The following PHF14 variants were observed in gnomAD, a reference collection of about 807,000 sequenced individuals.
PHF14 encodes the protein PHD finger protein 14.
PHF14 carries 55 observed loss-of-function variants against 117.9 expected under a neutral mutation model. The ratio of observed to expected loss-of-function variants is 0.47; its 90% confidence interval spans 0.38 to 0.58. The LOEUF is 0.58. Ranked by LOEUF, PHF14 falls within the 20% of genes least tolerant of loss-of-function variation. The pLI is 0.00. For missense variants in PHF14, 978 were observed against 1,122.2 expected, an observed-to-expected ratio of 0.87 and a Z score of 1.84; for synonymous variants, 409 against 368.6, an observed-to-expected ratio of 1.11 and a Z score of -1.26.
intron 16 of PHF14, among the ~76,000 whole-genome samples, chr7:11,085,751 G>A (rs182812370): frequency 6.6e-6 from 1 of 152,014 alleles, no homozygotes; most frequent in East Asian, 1.9e-4. Context: ...AAGAGACAGG[G>A]TCTCACTATA....
intron 4 of PHF14, among the ~76,000 whole-genome samples, chr7:11,010,660 A>G (rs1783321917): frequency 6.6e-6 from 1 of 152,190 alleles, no homozygotes; most frequent in South Asian, 2.1e-4. Context: ...ACACACATGC[A>G]TAATCTGAAA....
At chr7:11,086,295 C>CA (rs1786407249) in intron 16 of PHF14, among the ~76,000 whole-genome samples, 1 of 152,210 alleles carries the variant, frequency 6.6e-6, no homozygotes, top group Non-Finnish European at 1.5e-5. Flanking sequence ...AACCCAGCCT[C>CA]AGTCTGTCTT....
chr7:11,045,952 A>G (rs1322976438), intron 13 of PHF14, among the ~76,000 whole-genome samples: 1 of 152,176 alleles, frequency 6.6e-6, no homozygotes, highest in Non-Finnish European at 1.5e-5. Flanking sequence ...TTTTTCTTGA[A>G]TTATGCTCTG....
At chr7:11,061,767 G>GTTTTTTTTTTTT in intron 14 of PHF14, 24 bp from the exon 15 acceptor site, 1 of 1,157,334 alleles carries the variant, frequency 8.6e-7, no homozygotes, top group Admixed American at 3.2e-5. Context: ...TTTGTTTTTT[G>GTTTTTTTTTTTT]TTTTTTTTTT....
chr7:11,077,330 A>G (rs1202826020), intron 16 of PHF14, among the ~76,000 whole-genome samples: 3 of 151,744 alleles, frequency 2.0e-5, no homozygotes, highest in East Asian at 3.9e-4. Context: ...AGCCGGGCGC[A>G]GTGGGGCTCA....
chr7:11,035,164 A>G (rs1389662764), intron 7 of PHF14, among the ~76,000 whole-genome samples: 1 of 152,114 alleles, frequency 6.6e-6, no homozygotes. Flanking sequence ...ATACAGTGTA[A>G]CAACTATTTG....
chr7:11,038,910 C>T (rs1784408197), intron 11 of PHF14, 55 bp downstream of exon 11: 2 of 781,500 alleles, frequency 2.6e-6, no homozygotes, highest in African/African-American at 1.8e-5. Context: ...ATATGATTTT[C>T]AAAGAACAGA....
chr7:11,016,345 AAAAG>A (rs1783533968), intron 5 of PHF14, among the ~76,000 whole-genome samples: 1 of 152,164 alleles, frequency 6.6e-6, no homozygotes, highest in Admixed American at 6.5e-5. Context: ...AAAACAGGGA[AAAAG>A]AAAGAATATT....
At chr7:11,158,996 A>G (rs1385773611) in intron 17 of PHF14, among the ~76,000 whole-genome samples, 1 of 152,122 alleles carries the variant, frequency 6.6e-6, no homozygotes, top group Non-Finnish European at 1.5e-5. Flanking sequence ...TAAACTATTT[A>G]CAGTTTATCT....
chr7:11,017,098 T>C (rs965877416), intron 5 of PHF14, among the ~76,000 whole-genome samples: 12 of 152,202 alleles, frequency 7.9e-5, no homozygotes, highest in Non-Finnish European at 1.5e-5. Flanking sequence ...TTTTTATGGC[T>C]TAGTACTCCA....
chr7:11,037,095 A>G lies in PHF14; in HGVS notation c.1980+4A>G. The stretch of plus-strand genomic sequence containing the variant: ...GCTTCATGTAGAATATAATAAGGTA[A>G]GTTAGCTACAAAATATGCAACATAA... On this transcript the variant is annotated splice_donor_region_variant and intron_variant, in intron 10 of 17. Coordinates refer to ENST00000634607, the MANE Select transcript of PHF14 (RefSeq NM_001007157.2). The G allele has an allele frequency of 6.8e-7, 1 of 1,477,320 alleles. No individual in the cohort carries two copies. The highest frequency in any genetic ancestry group is 9.1e-7 in the Non-Finnish European group (1 of 1,093,186). The allele number at this position is 1,477,320 out of a possible 1,614,324, so 91.5% of individuals were successfully genotyped here.
chr7:11,047,548 C>T (rs1206181008), intron 13 of PHF14, among the ~76,000 whole-genome samples: 2 of 151,088 alleles, frequency 1.3e-5, no homozygotes, highest in Non-Finnish European at 2.9e-5. Context: ...GTAATCCCAG[C>T]ACTTTGGGAG....
At chr7:11,035,133 A>C (rs1457780918) in intron 7 of PHF14, among the ~76,000 whole-genome samples, 4 of 152,122 alleles carry the variant, frequency 2.6e-5, no homozygotes, top group Non-Finnish European at 5.9e-5. Flanking sequence ...CGTAATAAAA[A>C]AGAATACAAA....
Position 11,061,960 on chromosome 7 carries a change from G to A in PHF14, c.2533-4G>A, listed in dbSNP as rs759384512. 1.9e-6 allele frequency: 3 copies of A among 1,585,538 alleles called. No homozygotes were observed. The highest frequency in any genetic ancestry group is 2.6e-6 in the Non-Finnish European group (3 of 1,165,240). On this transcript the variant is annotated splice_polypyrimidine_tract_variant and splice_region_variant and intron_variant, in intron 15 of 17. Transcript: ENST00000634607. Reference sequence around the variant, plus strand: ...GTTTTATTTTATTATCCCTTGTATGGCAGGAAAGAGTTCCTAGAGAGAGAA... The same window carrying A: ...GTTTTATTTTATTATCCCTTGTATGACAGGAAAGAGTTCCTAGAGAGAGAA...
At chr7:10,976,368 TG>T in intron 2 of PHF14, among the ~76,000 whole-genome samples, 1 of 152,200 alleles carries the variant, frequency 6.6e-6, no homozygotes. Flanking sequence ...TTAGTTCTCT[TG>T]GTAAAGACCT....
intron 16 of PHF14, among the ~76,000 whole-genome samples, chr7:11,069,489 T>A (rs1785535578): frequency 6.6e-6 from 1 of 152,168 alleles, no homozygotes; most frequent in African/African-American, 2.4e-5. Flanking sequence ...AAATCAACCT[T>A]GCAAATCTGG....
chr7:11,076,748 G>A (rs1383999778), intron 16 of PHF14, among the ~76,000 whole-genome samples: 1 of 151,026 alleles, frequency 6.6e-6, no homozygotes, highest in Non-Finnish European at 1.5e-5. Flanking sequence ...TTGTATTTTT[G>A]GTAGAGATGG....
In PHF14 at chr7:11,014,366, T is replaced by G. The variant is rs569250269; in HGVS notation, c.1205+460T>G. Among the ~76,000 whole-genome samples, 8 of 152,068 alleles carry G rather than the reference T, an allele frequency of 5.3e-5. 1 individual carries two copies. Among genetic ancestry groups the G allele is most frequent in the Admixed American group, 5.2e-4 (8 of 15,248 alleles). ...CTGTGATAAAAGAGTCACTATAAGG[T>G]ATAAAAAAACTCTAAAGGATGCTCT... On this transcript the variant is annotated intron_variant, in intron 5 of 17. Coordinates refer to ENST00000634607, the MANE Select transcript of PHF14 (RefSeq NM_001007157.2).
intron 7 of PHF14, among the ~76,000 whole-genome samples, chr7:11,031,590 CA>C (rs34770071): frequency 0.039 from 4,995 of 126,862 alleles, 87 homozygotes; most frequent in Middle Eastern, 0.088. Flanking sequence ...CCATCTCTAC[CA>C]AAAAAAAAAA....
Sources: gnomAD v4.1 joint callset for allele counts (sites outside exome capture counted in the v4.1 genomes callset) on GRCh38, gnomAD v4.1.1 for gene constraint, MANE v1.5 for transcripts, NCBI Gene and HGNC (gene_info 2026-07-23, HGNC 2026-07-21) for gene names.